The following PKIB variants were observed in gnomAD, a reference collection of about 807,000 sequenced individuals.
The protein encoded by PKIB is cAMP-dependent protein kinase inhibitor beta.
In PKIB, 2 loss-of-function variants were observed where a neutral mutation model predicts 4.5. The ratio of observed to expected loss-of-function variants is 0.44; its 90% CI spans 0.18 to 1.39. The LOEUF is 1.39. PKIB is among the 40% of genes most tolerant of loss of function. The pLI, the probability that PKIB is intolerant of heterozygous loss-of-function variation, is 0.27. For missense variants in PKIB, 94 were observed against 92.6 expected, an observed-to-expected ratio of 1.02 and a Z score of -0.06; for synonymous variants, 38 against 36.0, an observed-to-expected ratio of 1.06 and a Z score of -0.20.
chr6:122,480,082 A>G (rs1775566462), intron 2 of PKIB: 1 of 151,030 alleles, frequency 6.6e-6, no homozygotes, highest in Non-Finnish European at 1.5e-5. Context: ...TCGCTCTGTC[A>G]CCCAGGCTGG....
intron 2 of PKIB, among the ~76,000 whole-genome samples, chr6:122,538,680 A>G (rs1405706551): frequency 6.6e-6 from 1 of 152,002 alleles, no homozygotes; most frequent in Admixed American, 6.6e-5. Flanking sequence ...TTGGTTCCAT[A>G]TGAACTTTAA....
In PKIB at chr6:122,702,398, C is replaced by T. The variant is rs568351335; in HGVS notation, c.-8-15389C>T. On this transcript the variant is annotated intron_variant, in intron 3 of 4. Coordinates refer to ENST00000368452, the MANE Select transcript of PKIB (RefSeq NM_181795.3). ...AAGCTGGAGTGCAGTGGCGTGACCT[C>T]GGCTCACTGCAACCTCCACCTCCTG... 1.7e-3 allele frequency among the ~76,000 whole-genome samples: 244 copies of T among 144,826 alleles called. 1 individual carries two copies. The highest frequency in any genetic ancestry group is 6.0e-3 in the African/African-American group (233 of 39,028).
intron 3 of PKIB, among the ~76,000 whole-genome samples, chr6:122,587,749 G>A (rs1773894805): frequency 6.6e-6 from 1 of 152,134 alleles, no homozygotes; most frequent in Non-Finnish European, 1.5e-5. Flanking sequence ...CCTCATTGTG[G>A]TTTTGATTTG....
chr6:122,697,429 T>C (rs1778621145), intron 3 of PKIB, among the ~76,000 whole-genome samples: 1 of 151,750 alleles, frequency 6.6e-6, no homozygotes, highest in South Asian at 2.1e-4. Context: ...TTAGGAGATG[T>C]GCCTTCCTAG....
At chr6:122,559,912 A>T (rs1772964637) in intron 2 of PKIB, among the ~76,000 whole-genome samples, 1 of 152,134 alleles carries the variant, frequency 6.6e-6, no homozygotes, top group Non-Finnish European at 1.5e-5. Context: ...ACTTTGCTGA[A>T]TTCTTTTATC....
chr6:122,559,927 C>A (rs1772965171), intron 2 of PKIB, among the ~76,000 whole-genome samples: 2 of 151,862 alleles, frequency 1.3e-5, no homozygotes, highest in African/African-American at 4.8e-5. Context: ...TTTATCAGTT[C>A]TAGGAGCTTT....
At chr6:122,715,227 T>A (rs992500266) in intron 3 of PKIB, among the ~76,000 whole-genome samples, 40 of 152,250 alleles carry the variant, frequency 2.6e-4, no homozygotes, top group African/African-American at 9.4e-4. Flanking sequence ...TTTAAATATT[T>A]AAGATCGCAT....
At chr6:122,620,424 C>T (rs1775177396) in intron 1 of PKIB, among the ~76,000 whole-genome samples, 1 of 152,178 alleles carries the variant, frequency 6.6e-6, no homozygotes, top group African/African-American at 2.4e-5. Flanking sequence ...TCATTATAGA[C>T]TAAGAATTCT....
At chr6:122,647,382 A>G (rs1582772890) in intron 2 of PKIB, among the ~76,000 whole-genome samples, 1 of 152,344 alleles carries the variant, frequency 6.6e-6, no homozygotes. Context: ...GGGACTATAG[A>G]CTAGTCAGGT....
At chr6:122,697,968 A>G (rs1297925633) in intron 3 of PKIB, among the ~76,000 whole-genome samples, 1 of 152,110 alleles carries the variant, frequency 6.6e-6, no homozygotes. Flanking sequence ...AGAGTTCTTT[A>G]AAGTGAGACC....
At chr6:122,690,712 T>C (rs1778296715) in intron 3 of PKIB, among the ~76,000 whole-genome samples, 1 of 152,114 alleles carries the variant, frequency 6.6e-6, no homozygotes, top group Admixed American at 6.5e-5. Flanking sequence ...TTCAGTGTTA[T>C]AATATGCTGT....
intron 2 of PKIB, among the ~76,000 whole-genome samples, chr6:122,520,264 G>C (rs1403612951): frequency 6.6e-6 from 1 of 151,980 alleles, no homozygotes; most frequent in Non-Finnish European, 1.5e-5. Context: ...ATGCATTTTT[G>C]TTAATTGTCA....
chr6:122,574,990 A>T (rs1441027699), intron 2 of PKIB, among the ~76,000 whole-genome samples: 1 of 152,172 alleles, frequency 6.6e-6, no homozygotes, highest in Non-Finnish European at 1.5e-5. Context: ...ATATTTGCAA[A>T]CTATGCATCT....
chr6:122,715,777 CT>C (rs1469794679), intron 3 of PKIB, among the ~76,000 whole-genome samples: 1 of 151,840 alleles, frequency 6.6e-6, no homozygotes, highest in Admixed American at 6.6e-5. Context: ...TCTAAAGTAG[CT>C]TTAGATGGCT....
At chr6:122,534,613 G>A (rs1258998904) in intron 2 of PKIB, among the ~76,000 whole-genome samples, 1 of 152,034 alleles carries the variant, frequency 6.6e-6, no homozygotes, top group East Asian at 1.9e-4. Flanking sequence ...ACTTACACTG[G>A]TTCATAAATA....
intron 2 of PKIB, among the ~76,000 whole-genome samples, chr6:122,562,718 A>G (rs1293936633): frequency 6.6e-6 from 1 of 152,000 alleles, no homozygotes; most frequent in East Asian, 1.9e-4. Flanking sequence ...TCAAGCTCTG[A>G]ATTTCTTTAT....
rs143731394 is a variant in PKIB at position 122,620,053 on chromosome 6, G to A, written c.-161+9518G>A. ...TATAATCTCAGAGTAGTAGAGGGGG[G>A]CACATTCCCTTCATGCCCCCATATG... On this transcript the variant is annotated intron_variant, in intron 1 of 4. Transcript: ENST00000368452. Among the ~76,000 whole-genome samples the A allele has an allele frequency of 1.7e-3, 263 of 152,112 alleles. 1 individual carries two copies. Among genetic ancestry groups the A allele is most frequent in the African/African-American group, 5.9e-3 (243 of 41,502 alleles).
At chr6:122,671,469 A>T (rs1052578406) in intron 2 of PKIB, among the ~76,000 whole-genome samples, 1 of 152,126 alleles carries the variant, frequency 6.6e-6, no homozygotes, top group Non-Finnish European at 1.5e-5. Flanking sequence ...TGAAGTGTAA[A>T]AGCCTTTACC....
intron 2 of PKIB, among the ~76,000 whole-genome samples, chr6:122,530,413 A>G (rs1433389884): frequency 6.6e-6 from 1 of 151,924 alleles, no homozygotes; most frequent in East Asian, 1.9e-4. Flanking sequence ...TCATTTTTAG[A>G]CAGCTCACAG....
Sources: allele counts gnomAD v4.1 joint callset (sites outside exome capture counted in the v4.1 genomes callset), GRCh38; gene constraint gnomAD v4.1.1; transcripts MANE v1.5; gene names NCBI Gene and HGNC (gene_info 2026-07-23, HGNC 2026-07-21).